The following TANC1 variants were observed in gnomAD, a reference collection of about 807,000 sequenced individuals.
TANC1 encodes the protein protein TANC1.
TANC1 carries 77 observed loss-of-function variants against 149.7 expected under a neutral mutation model. The observed-to-expected ratio is 0.51, with a 90% CI of 0.43 to 0.62. The LOEUF (loss-of-function observed/expected upper bound fraction) is 0.62, where lower values mean the gene tolerates loss of function less well. Among genes scored for constraint, TANC1 ranks in the 20% least tolerant of loss-of-function variants. TANC1 has a pLI of 0.00. For missense variants in TANC1, 1,985 were observed against 2,321.8 expected (o/e 0.85, Z 2.98); for synonymous variants, 854 against 925.0 (o/e 0.92, Z 1.39).
chr2:158,971,270 C>T (rs1306624576), intron 1 of TANC1, among the ~76,000 whole-genome samples: 2 of 152,270 alleles, frequency 1.3e-5, no homozygotes, highest in Middle Eastern at 3.4e-3. Context: ...TATAATGACT[C>T]CTGCCAGCAT....
In TANC1 at chr2:159,136,298, G is replaced by C. The variant is rs747696147; in HGVS notation, c.364G>C (p.Glu122Gln). The C allele has an allele frequency of 6.4e-7, 1 of 1,559,176 alleles. No individual in the cohort carries two copies. Among genetic ancestry groups the C allele is most frequent in the South Asian group, 1.1e-5 (1 of 89,882 alleles). The change falls in exon 5 of 27, where the codon GAA becomes CAA. Residue 122 changes from glutamate (E) to glutamine (Q), a missense_variant and splice_region_variant. Glu to Gln is a conservative substitution (Grantham distance 29). Around this residue, in one of 3 missense-constraint regions of TANC1, gnomAD observed 557 missense variants for 612.9 expected, o/e 0.91. Transcript: ENST00000263635. Reference sequence around the variant, plus strand: ...CAAGCCAACAGAGCCTGATGAGCATGGTAAGAATTTCAGTGATTTCCTTCC... The same window carrying C: ...CAAGCCAACAGAGCCTGATGAGCATCGTAAGAATTTCAGTGATTTCCTTCC... ...VAKPTEPDEH[E>Q]AKADNEPSCS...
rs753892814 is a variant in TANC1, at chr2:159,149,127, C to G, written c.365-15C>G. 4.5e-6 allele frequency: 7 copies of G among 1,564,702 alleles called. No individual in the cohort carries two copies. The Admixed American group carries it at 9.4e-5, about 21-fold the overall frequency. ...CCCAGAGGGGCATCTTCATTGTTTT[C>G]TTTCTTTGTTCCAGAAGCAAAGGCC... is the stretch of plus-strand genomic sequence containing the variant. On this transcript the variant is annotated splice_polypyrimidine_tract_variant and intron_variant, in intron 5 of 26. Transcript: ENST00000263635.
chr2:159,129,049 T>G (rs1178319494), intron 4 of TANC1, among the ~76,000 whole-genome samples: 1 of 152,190 alleles, frequency 6.6e-6, no homozygotes, highest in Non-Finnish European at 1.5e-5. Flanking sequence ...CTGTGAAAGT[T>G]CAGGATGCAA....
intron 15 of TANC1, among the ~76,000 whole-genome samples, chr2:159,186,527 C>T (rs2056982228): frequency 6.6e-6 from 1 of 152,148 alleles, no homozygotes; most frequent in Admixed American, 6.5e-5. Context: ...TCTGTAATCC[C>T]AGGTACTTGA....
chr2:159,132,143 G>C (rs191763377), intron 4 of TANC1, among the ~76,000 whole-genome samples: 42 of 152,328 alleles, frequency 2.8e-4, no homozygotes, highest in African/African-American at 9.6e-4. Flanking sequence ...GCCGAGTTCA[G>C]ATAAGAACAA....
chr2:159,180,914 A>G lies in TANC1; in HGVS notation c.2510+1751A>G, dbSNP rs199649692. Among the ~76,000 whole-genome samples the G allele has an allele frequency of 1.3e-5, 2 of 152,158 alleles. 1 individual carries two copies. The highest frequency in any genetic ancestry group is 2.9e-5 in the Non-Finnish European group (2 of 68,020). ...GCACACTTCATGTGGACCTCACAAG[A>G]GGGAGAAGCTCCCAGCGTAAGTAAA... On this transcript the variant is annotated intron_variant, in intron 14 of 26. Coordinates refer to ENST00000263635, the MANE Select transcript of TANC1 (RefSeq NM_033394.3).
intron 2 of TANC1, among the ~76,000 whole-genome samples, chr2:159,037,485 T>TA (rs1373046785): frequency 6.6e-6 from 1 of 152,248 alleles, no homozygotes; most frequent in African/African-American, 2.4e-5. Context: ...TTTCATGGTT[T>TA]TAGGTCTAAC....
chr2:159,054,229 C>T (rs1050970663), intron 2 of TANC1, among the ~76,000 whole-genome samples: 19 of 152,154 alleles, frequency 1.2e-4, no homozygotes, highest in African/African-American at 4.1e-4. Context: ...AGTTGTGTGA[C>T]CCTGGGCAAG....
chr2:159,040,583 T>C (rs2040551225), intron 2 of TANC1, among the ~76,000 whole-genome samples: 1 of 152,216 alleles, frequency 6.6e-6, no homozygotes, highest in African/African-American at 2.4e-5. Flanking sequence ...CATCATGTAG[T>C]TCTCGTGCCA....
At chr2:159,212,684 G>A (rs969919309) in intron 19 of TANC1, among the ~76,000 whole-genome samples, 7 of 152,138 alleles carry the variant, frequency 4.6e-5, no homozygotes, top group African/African-American at 1.2e-4. Flanking sequence ...CACTTTGGAA[G>A]GCCAAGGCAG....
At chr2:159,003,756 G>T (rs982893896) in intron 2 of TANC1, among the ~76,000 whole-genome samples, 1 of 152,184 alleles carries the variant, frequency 6.6e-6, no homozygotes, top group African/African-American at 2.4e-5. Flanking sequence ...CGCAGTCGTC[G>T]TCTTTCTCTG....
intron 4 of TANC1, among the ~76,000 whole-genome samples, chr2:159,126,383 A>G (rs1009045451): frequency 1.3e-5 from 2 of 152,290 alleles, no homozygotes; most frequent in Non-Finnish European, 2.9e-5. Flanking sequence ...GCTTATTACA[A>G]TCTGGCCTGC....
intron 2 of TANC1, among the ~76,000 whole-genome samples, chr2:159,039,533 G>C (rs2040464922): frequency 6.6e-6 from 1 of 152,182 alleles, no homozygotes; most frequent in Non-Finnish European, 1.5e-5. Flanking sequence ...ATGTGTCCCA[G>C]AGACTCTGGT....
At chr2:159,108,972 TC>T (rs2047455149) in intron 4 of TANC1, among the ~76,000 whole-genome samples, 1 of 152,210 alleles carries the variant, frequency 6.6e-6, no homozygotes, top group Non-Finnish European at 1.5e-5. Flanking sequence ...GGACAAGGGC[TC>T]TGAGAAGTAT....
At chr2:159,155,827 T>C (rs1239069708) in intron 7 of TANC1, among the ~76,000 whole-genome samples, 4 of 152,348 alleles carry the variant, frequency 2.6e-5, no homozygotes, top group South Asian at 4.1e-4. Flanking sequence ...ACCTGGTTAG[T>C]ATCCTGCTAG....
intron 1 of TANC1, among the ~76,000 whole-genome samples, chr2:158,999,224 C>T (rs2036412897): frequency 6.6e-6 from 1 of 152,032 alleles, no homozygotes; most frequent in Non-Finnish European, 1.5e-5. Flanking sequence ...CAGATGGGCC[C>T]CCGAGGTACC....
chr2:159,008,606 A>G (rs1375602852), intron 2 of TANC1, among the ~76,000 whole-genome samples: 2 of 152,216 alleles, frequency 1.3e-5, no homozygotes. Context: ...AGACCATGAG[A>G]GGATTTTTTC....
chr2:158,991,675 G>A (rs967746869), intron 1 of TANC1, among the ~76,000 whole-genome samples: 5 of 152,126 alleles, frequency 3.3e-5, no homozygotes, highest in Admixed American at 2.6e-4. Flanking sequence ...GAACCTGGGA[G>A]GCGGAGCTTG....
At chr2:159,208,872 GCA>G (rs1278924808) in intron 19 of TANC1, among the ~76,000 whole-genome samples, 2 of 152,222 alleles carry the variant, frequency 1.3e-5, no homozygotes, top group African/African-American at 4.8e-5. Flanking sequence ...AGCCTGGATG[GCA>G]CAGCCTATTG....
Sources: allele counts gnomAD v4.1 joint callset (sites outside exome capture counted in the v4.1 genomes callset), GRCh38; gene constraint gnomAD v4.1.1; regional missense constraint gnomAD v4.1.1; transcripts MANE v1.5; gene names NCBI Gene and HGNC (gene_info 2026-07-23, HGNC 2026-07-21).